The following PARD3B variants were observed in gnomAD, a reference collection of about 807,000 sequenced individuals.
PARD3B encodes partitioning defective 3 homolog B.
PARD3B carries 103 observed loss-of-function variants against 130.2 expected under a neutral mutation model. The observed-to-expected ratio is 0.79, with a 90% CI of 0.67 to 0.93. PARD3B has a LOEUF of 0.93. PARD3B is among the 40% of genes least tolerant of loss of function. The pLI is 0.00. For missense variants in PARD3B, 1,609 were observed against 1,499.2 expected (o/e 1.07, Z -1.21); for synonymous variants, 583 against 553.2 (o/e 1.05, Z -0.76).
rs2039926978 is a variant in PARD3B, at chr2:205,253,082, C to G, written c.2185+7260C>G. Among the ~76,000 whole-genome samples the G allele has an allele frequency of 6.6e-6, 1 of 151,940 alleles. No homozygotes were observed. The highest frequency in any genetic ancestry group is 1.5e-5 in the Non-Finnish European group (1 of 67,976). ...CTGCAACTATGCTGCATAATAAAAC[C>G]AACAGTAAACATTTATTTCTTGATC... On this transcript the variant is annotated intron_variant, in intron 16 of 22. Transcript: ENST00000406610. This position sits in a 1 kb window ranked among gnomAD's most constrained non-coding sequence, Gnocchi z 4.4.
intron 1 of PARD3B, among the ~76,000 whole-genome samples, chr2:204,660,712 T>TC (rs1420672905): frequency 6.6e-6 from 1 of 152,128 alleles, no homozygotes; most frequent in Non-Finnish European, 1.5e-5. Context: ...TGGTGATTTA[T>TC]CCCCCCTCTG....
chr2:205,539,405 T>G (rs2052018546), intron 21 of PARD3B, among the ~76,000 whole-genome samples: 1 of 152,166 alleles, frequency 6.6e-6, no homozygotes, highest in African/African-American at 2.4e-5. Context: ...AAGCACATTT[T>G]AAAAACAGGA....
At chr2:204,755,556 A>G (rs773032803) in intron 2 of PARD3B, among the ~76,000 whole-genome samples, 1 of 152,146 alleles carries the variant, frequency 6.6e-6, no homozygotes, top group Non-Finnish European at 1.5e-5. Context: ...CACATCACAC[A>G]TTAGTAGCCA....
chr2:204,795,347 G>A (rs1436384285), intron 2 of PARD3B, among the ~76,000 whole-genome samples: 1 of 152,156 alleles, frequency 6.6e-6, no homozygotes, highest in African/African-American at 2.4e-5. Context: ...GAGTCATTTT[G>A]TTATATATGG....
intron 15 of PARD3B, among the ~76,000 whole-genome samples, 193 bp downstream of exon 15, chr2:205,193,513 C>T (rs963635580): frequency 6.6e-6 from 1 of 152,224 alleles, no homozygotes; most frequent in African/African-American, 2.4e-5. Flanking sequence ...CTTTGTGAAA[C>T]AAAGAGAAGT....
chr2:205,381,239 A>AAGAATATATATTATATATAATATAT (rs1357590704), intron 18 of PARD3B, among the ~76,000 whole-genome samples: 5 of 122,418 alleles, frequency 4.1e-5, no homozygotes, highest in Non-Finnish European at 3.2e-5. Flanking sequence ...AATATATATA[A>AAGAATATATATTATATATAATATAT]AAAGAATATA....
At chr2:205,262,833 A>G (rs960832795) in intron 16 of PARD3B, among the ~76,000 whole-genome samples, 2 of 152,112 alleles carry the variant, frequency 1.3e-5, no homozygotes, top group Non-Finnish European at 2.9e-5. Context: ...GGGTCCATTT[A>G]TTGCTTTACA....
At chr2:204,931,506 G>A (rs1297836826) in intron 2 of PARD3B, among the ~76,000 whole-genome samples, 1 of 151,844 alleles carries the variant, frequency 6.6e-6, no homozygotes. Context: ...ATTAAAATTA[G>A]TTGAGTTTGG....
intron 5 of PARD3B, among the ~76,000 whole-genome samples, chr2:205,110,592 AAT>A: frequency 6.6e-6 from 1 of 150,662 alleles, no homozygotes; most frequent in South Asian, 2.1e-4. Context: ...GTATAACCAA[AAT>A]ATTTTTCTTT....
chr2:205,390,883 C>T (rs1187456588), intron 18 of PARD3B, among the ~76,000 whole-genome samples: 6 of 152,236 alleles, frequency 3.9e-5, no homozygotes, highest in Non-Finnish European at 8.8e-5. Context: ...TATTTAGAGA[C>T]TGCAGATGAG....
intron 3 of PARD3B, among the ~76,000 whole-genome samples, chr2:204,978,344 C>T (rs545536731): frequency 6.6e-6 from 1 of 152,262 alleles, no homozygotes; most frequent in South Asian, 2.1e-4. Flanking sequence ...CATGGAGTAT[C>T]TCTATTGGAA....
intron 22 of PARD3B, among the ~76,000 whole-genome samples, chr2:205,553,812 G>T (rs973561776): frequency 6.6e-6 from 1 of 152,186 alleles, no homozygotes; most frequent in African/African-American, 2.4e-5. Context: ...AAGCAGGAAA[G>T]AAATGTGAAC....
intron 1 of PARD3B, among the ~76,000 whole-genome samples, chr2:204,662,151 T>C (rs1351622638): frequency 2.0e-5 from 3 of 152,222 alleles, no homozygotes; most frequent in Non-Finnish European, 4.4e-5. Flanking sequence ...CATTTGTCCC[T>C]TGGAAAATAT....
chr2:204,626,515 A>T (rs1338384761), intron 1 of PARD3B, among the ~76,000 whole-genome samples: 1 of 152,154 alleles, frequency 6.6e-6, no homozygotes. Context: ...ACATTATTTG[A>T]ATACAGATAG....
rs113798296 is a variant in PARD3B at position 205,180,848 on chromosome 2, G to A, written c.1924+4271G>A. ...TAGTGAAATAAGTGTGGTGCTTCAA[G>A]ATGGTAATAGGGATGGAGGCTGTGT... On this transcript the variant is annotated intron_variant, in intron 13 of 22. Coordinates refer to ENST00000406610, the MANE Select transcript of PARD3B (RefSeq NM_001302769.2). Among the ~76,000 whole-genome samples, 219 of 152,256 alleles carry A rather than the reference G, an allele frequency of 1.4e-3. 1 individual carries two copies. Among genetic ancestry groups the A allele is most frequent in the African/African-American group, 4.6e-3 (193 of 41,544 alleles).
Position 204,639,493 on chromosome 2 carries a change from G to C in PARD3B, c.121-46688G>C, listed in dbSNP as rs184627249. On this transcript the variant is annotated intron_variant, in intron 1 of 22. Coordinates refer to ENST00000406610, the MANE Select transcript of PARD3B (RefSeq NM_001302769.2). ...AACGAAATGCAGATCGAAAATACTT[G>C]GGGAATAAATGGATGGTTGTGTCTG... Among the ~76,000 whole-genome samples the C allele has an allele frequency of 2.9e-4, 44 of 152,228 alleles. No individual in the cohort carries two copies. The East Asian group carries it at 6.9e-3, about 24-fold the overall frequency.
chr2:205,523,815 CTTTTTTT>C (rs11307073), intron 21 of PARD3B, among the ~76,000 whole-genome samples: 5 of 121,478 alleles, frequency 4.1e-5, no homozygotes, highest in African/African-American at 9.2e-5. Flanking sequence ...CTCTGATAAC[CTTTTTTT>C]TTTTTTTTTT....
In PARD3B at chr2:205,500,136, G is replaced by A. The variant is rs147588248; in HGVS notation, c.3180+105G>A. 178 of 1,312,830 alleles carry A rather than the reference G, an allele frequency of 1.4e-4. No individual in the cohort carries two copies. The African/African-American group carries it at 2.4e-3, about 18-fold the overall frequency. The allele number at this position is 1,312,830 out of a possible 1,614,324, so 81.3% of individuals were successfully genotyped here. On this transcript the variant is annotated intron_variant, in intron 21 of 22. Coordinates refer to ENST00000406610, the MANE Select transcript of PARD3B (RefSeq NM_001302769.2). ...TCTGTACATACCAGATTCTATTTAG[G>A]TTTCTTGGGCTTCATAGACAGGAAC...
chr2:205,493,723 T>C, intron 20 of PARD3B, among the ~76,000 whole-genome samples: 1 of 6,456 alleles, frequency 1.5e-4, no homozygotes, highest in South Asian at 8.2e-3. Context: ...CATTTATGTA[T>C]GTATTTATTT....
Sources: allele counts gnomAD v4.1 joint callset (sites outside exome capture counted in the v4.1 genomes callset), GRCh38; gene constraint gnomAD v4.1.1; non-coding constraint Gnocchi (gnomAD v3.1); transcripts MANE v1.5; gene names NCBI Gene and HGNC (gene_info 2026-07-23, HGNC 2026-07-21).